The following SMARCA4 variants were observed in gnomAD, a reference collection of about 807,000 sequenced individuals.
SMARCA4 encodes the protein SWI/SNF-related matrix-associated actin-dependent regulator of chromatin subfamily A member 4.
In SMARCA4, 31 loss-of-function variants were observed where a neutral mutation model predicts 193.9. The observed-to-expected ratio is 0.16, with a 90% CI of 0.12 to 0.22. SMARCA4 has a LOEUF of 0.22. SMARCA4 is among the 10% of genes least tolerant of loss of function. The pLI is 1.00. For missense variants in SMARCA4, 1,148 were observed against 2,296.0 expected (o/e 0.50, Z 10.22); for synonymous variants, 942 against 933.1 (o/e 1.01, Z -0.17).
In SMARCA4 at chr19:11,034,019, G is replaced by C; in HGVS notation, c.3874-104G>C. On this transcript the variant is annotated intron_variant, in intron 27 of 34. Transcript: ENST00000344626. The surrounding 1 kb of genome is among the most constrained non-coding windows in gnomAD (Gnocchi z 7.0). Reference sequence around the variant, plus strand: ...GGTCCCCATCCACCGCAGCCGTGCCGGGACCACCAGCTCATTCCCACGGAC... The same window carrying C: ...GGTCCCCATCCACCGCAGCCGTGCCCGGACCACCAGCTCATTCCCACGGAC... The C allele has an allele frequency of 2.3e-6, 2 of 873,528 alleles. No individual in the cohort carries two copies. Among genetic ancestry groups the C allele is most frequent in the Non-Finnish European group, 3.9e-6 (2 of 511,152 alleles). The allele number at this position is 873,528 out of a possible 1,614,324, so 54.1% of individuals were successfully genotyped here.
intron 8 of SMARCA4, among the ~76,000 whole-genome samples, chr19:10,993,337 T>C (rs186948653): frequency 4.2e-4 from 64 of 152,378 alleles, no homozygotes; most frequent in African/African-American, 1.4e-3. Flanking sequence ...ATGTCTACAC[T>C]GTATTCCATT....
chr19:11,019,783 C>G lies in SMARCA4; in HGVS notation c.2616+82C>G, dbSNP rs1259589436. On this transcript the variant is annotated intron_variant, in intron 18 of 34. Coordinates refer to ENST00000344626, the MANE Select transcript of SMARCA4 (RefSeq NM_003072.5). This position sits in a 1 kb window ranked among gnomAD's most constrained non-coding sequence, Gnocchi z 6.1. ...ACGCTGCCCGTCTCCTCCAAAGCCC[C>G]TACAAGTTTCTTCCCGGAGTCCCAC... 1.0e-6 allele frequency: 1 copy of G among 957,940 alleles called. No homozygotes were observed. Among genetic ancestry groups the G allele is most frequent in the Admixed American group, 2.0e-5 (1 of 51,150 alleles). 59.3% of individuals were successfully genotyped at this position (957,940 alleles called of 1,614,324 possible).
intron 1 of SMARCA4, among the ~76,000 whole-genome samples, chr19:10,983,003 T>C (rs1353273520): frequency 6.6e-6 from 1 of 152,174 alleles, no homozygotes; most frequent in Non-Finnish European, 1.5e-5. Context: ...AGCCAGGAAA[T>C]GCAGTGTAGC....
intron 8 of SMARCA4, among the ~76,000 whole-genome samples, chr19:10,993,750 A>G (rs2086762409): frequency 6.6e-6 from 1 of 151,636 alleles, no homozygotes; most frequent in East Asian, 2.0e-4. Context: ...GGTTCATGCC[A>G]TTCTTCTGCC....
chr19:11,007,959 A>G lies in SMARCA4; in HGVS notation c.2059A>G (p.Lys687Glu), dbSNP rs751565055. 6.2e-6 allele frequency: 10 copies of G among 1,613,252 alleles called. No individual in the cohort carries two copies. Among genetic ancestry groups the G allele is most frequent in the South Asian group, 1.1e-5 (1 of 91,032 alleles). Residue 687 changes from lysine to glutamate, a missense_variant, in exon 14 of 35, where the codon AAG (lysine) becomes GAG (glutamate). Physicochemically the swap from Lys to Glu is moderately conservative, Grantham distance 56. Around this residue, in one of 17 missense-constraint regions of SMARCA4, gnomAD observed 115 missense variants for 175.1 expected, o/e 0.66. Transcript: ENST00000344626. ...GCCTCCCACCCTGCCCGTGGAGGAG[A>G]AGAAGAAGATTCCAGATCCAGACAG... ...AQPPTLPVEE[K>E]KKIPDPDSDD...
At chr19:10,977,585 A>C (rs2085246080) in intron 1 of SMARCA4, 1 of 152,136 alleles carries the variant, frequency 6.6e-6, no homozygotes, top group African/African-American at 2.4e-5. Context: ...CGGCCTCCCA[A>C]AGTGCTGGGA....
chr19:11,016,185 C>T (rs1379187923), intron 16 of SMARCA4, among the ~76,000 whole-genome samples: 1 of 152,068 alleles, frequency 6.6e-6, no homozygotes, highest in Admixed American at 6.6e-5. Flanking sequence ...TCCTTTTAAC[C>T]ATAGCTCCCA....
intron 18 of SMARCA4, chr19:11,020,841 CTT>C (rs1022542718): frequency 2.8e-5 from 4 of 144,170 alleles, no homozygotes; most frequent in Non-Finnish European, 3.1e-5. Context: ...TTTTTCTCTT[CTT>C]TTTTTTTTTT....
At chr19:10,992,765 T>C (rs1246839860) in intron 8 of SMARCA4, among the ~76,000 whole-genome samples, 1 of 151,938 alleles carries the variant, frequency 6.6e-6, no homozygotes, top group Non-Finnish European at 1.5e-5. Flanking sequence ...ATTTTTTATA[T>C]TTTTAGTAGA....
At position 10,996,293 on chromosome 19, in the gene SMARCA4, C is replaced by T. The variant is rs147798066; in HGVS notation, c.1674C>T (p.Asp558=). The change falls in exon 10 of 35, where the codon GAC becomes GAT. Residue 558 remains aspartate, a synonymous_variant. Coordinates refer to ENST00000344626, the MANE Select transcript of SMARCA4 (RefSeq NM_003072.5). ...TGGCCTACCTCTTGCAGCAGACAGA[C>T]GAGTACGTGGCTAACCTCACGGAGC... ...KRLAYLLQQT[D]EYVANLTELV... 25 of 1,614,182 alleles carry T rather than the reference C, an allele frequency of 1.5e-5. No individual in the cohort carries two copies. The highest frequency in any genetic ancestry group is 8.0e-5 in the African/African-American group (6 of 75,062).
intron 1 of SMARCA4, chr19:10,977,644 T>G (rs2085251423): frequency 6.6e-6 from 1 of 152,290 alleles, no homozygotes; most frequent in Non-Finnish European, 1.5e-5. Context: ...TTTTCTCATT[T>G]CTGTTCAGGG....
chr19:10,985,474 CT>C lies in SMARCA4; in HGVS notation c.355+70del. ...AGAGTCCTCAGATCATTTTCCTCCC[CT>C]GGGTTCCCACAGGATGGATTCAGGG... On this transcript the variant is annotated intron_variant, in intron 3 of 34. Coordinates refer to ENST00000344626, the MANE Select transcript of SMARCA4 (RefSeq NM_003072.5). The surrounding 1 kb of genome is among the most constrained non-coding windows in gnomAD (Gnocchi z 4.5). The C allele has an allele frequency of 6.4e-7, 1 of 1,573,898 alleles. No homozygotes were observed. Among genetic ancestry groups the C allele is most frequent in the Non-Finnish European group, 8.6e-7 (1 of 1,156,118 alleles).
rs111984533 is a variant in SMARCA4 at position 10,999,748 on chromosome 19, A to G, written c.1812+3204A>G. Among the ~76,000 whole-genome samples, 554 of 152,286 alleles carry G rather than the reference A, an allele frequency of 3.6e-3. 7 individuals are homozygous for G. The highest frequency in any genetic ancestry group is 0.012 in the African/African-American group (516 of 41,554). On this transcript the variant is annotated intron_variant, in intron 11 of 34. Coordinates refer to ENST00000344626, the MANE Select transcript of SMARCA4 (RefSeq NM_003072.5). ...TTTTTATCCTTTCCGCCTTTCCATA[A>G]TTCTAAAATCAGCAACCTGATTTCC...
intron 8 of SMARCA4, among the ~76,000 whole-genome samples, chr19:10,994,088 G>A (rs1373227090): frequency 1.3e-5 from 2 of 151,852 alleles, no homozygotes; most frequent in Non-Finnish European, 2.9e-5. Context: ...CACCCAGGCT[G>A]GAGTACAGTG....
In SMARCA4 at chr19:10,975,556, AC is replaced by A. The variant is rs371802178; in HGVS notation, c.-31-8563del. On this transcript the variant is annotated intron_variant, in intron 1 of 34. Coordinates refer to ENST00000344626, the MANE Select transcript of SMARCA4 (RefSeq NM_003072.5). Reference sequence around the variant, plus strand: ...AAACTCCTGACCTTGTGATCCGCCCACCTTGGCCTCGCAAAGTGCTGGAATT... The same window carrying A: ...AAACTCCTGACCTTGTGATCCGCCCACTTGGCCTCGCAAAGTGCTGGAATT... Among the ~76,000 whole-genome samples, 180 of 150,992 alleles carry A rather than the reference AC, an allele frequency of 1.2e-3. 2 individuals are homozygous for A. The highest frequency in any genetic ancestry group is 4.3e-3 in the African/African-American group (177 of 40,816).
Position 11,030,800 on chromosome 19 carries a change from C to T in SMARCA4, c.3453C>T (p.Ile1151=), listed in dbSNP as rs778831503. Residue 1151 remains isoleucine (I), a synonymous_variant, in exon 25 of 35, where the codon ATC becomes ATT. Coordinates refer to ENST00000344626, the MANE Select transcript of SMARCA4 (RefSeq NM_003072.5). The surrounding 1 kb of genome is among the most constrained non-coding windows in gnomAD (Gnocchi z 5.5). ...TFNEPGSEYF[I]FLLSTRAGGL... ...ACGAGCCCGGCTCTGAGTACTTCAT[C>T]TTCCTGCTCAGCACCCGGGCTGGGG... 1.9e-6 allele frequency: 3 copies of T among 1,609,640 alleles called. No individual in the cohort carries two copies. The highest frequency in any genetic ancestry group is 2.5e-6 in the Non-Finnish European group (3 of 1,178,132).
intron 1 of SMARCA4, among the ~76,000 whole-genome samples, chr19:10,970,720 T>C (rs554661632): frequency 6.6e-6 from 1 of 152,278 alleles, no homozygotes; most frequent in East Asian, 1.9e-4. Context: ...GTCCTTAACT[T>C]GTGGGAGATA....
At chr19:10,996,067 G>GAGT in intron 9 of SMARCA4, 146 bp from the exon 10 acceptor site, 1 of 818,014 alleles carries the variant, frequency 1.2e-6, no homozygotes. Context: ...CCTGAATGAG[G>GAGT]AGTCGATTGC....
rs1186400982 is a variant in SMARCA4 at position 11,019,048 on chromosome 19, C to T, written c.2505+25C>T. On this transcript the variant is annotated intron_variant, in intron 17 of 34. Transcript: ENST00000344626. This position sits in a 1 kb window ranked among gnomAD's most constrained non-coding sequence, Gnocchi z 6.1. Reference sequence around the variant, plus strand: ...GGTAGGTCACAGCCACTGAGGTTTCCTCTCTTGCTACGGAGGTGCAGGCGG... The same window carrying T: ...GGTAGGTCACAGCCACTGAGGTTTCTTCTCTTGCTACGGAGGTGCAGGCGG... 6.3e-7 allele frequency: 1 copy of T among 1,593,964 alleles called. No homozygotes were observed. Among genetic ancestry groups the T allele is most frequent in the Non-Finnish European group, 8.6e-7 (1 of 1,161,678 alleles).
Sources: allele counts gnomAD v4.1 joint callset (sites outside exome capture counted in the v4.1 genomes callset), GRCh38; gene constraint gnomAD v4.1.1; regional missense constraint gnomAD v4.1.1; non-coding constraint Gnocchi (gnomAD v3.1); transcripts MANE v1.5; gene names NCBI Gene and HGNC (gene_info 2026-07-23, HGNC 2026-07-21).